The following RSPH10B2 variants were observed in gnomAD, a reference collection of about 807,000 sequenced individuals.
RSPH10B2 encodes the protein radial spoke head 10 homolog B2, also known as radial spoke head 10 homolog B2 (Chlamydomonas).
In RSPH10B2, 9 loss-of-function variants were observed where a neutral mutation model predicts 49.0. The ratio of observed to expected loss-of-function variants is 0.18; its 90% CI spans 0.11 to 0.32. The LOEUF (loss-of-function observed/expected upper bound fraction) is 0.32, where lower values mean the gene tolerates loss of function less well. RSPH10B2 is among the 10% of genes least tolerant of loss of function. RSPH10B2 has a pLI of 1.00. For synonymous variants in RSPH10B2, 35 were observed against 210.2 expected, an observed-to-expected ratio of 0.17 and a Z score of 7.21; for missense variants, 95 against 589.9, an observed-to-expected ratio of 0.16 and a Z score of 8.69.
chr7:6,797,003 T>C (rs1294504772), intron 18 of RSPH10B2: 3 of 368,428 alleles, frequency 8.1e-6, no homozygotes, highest in Non-Finnish European at 1.3e-5. Context: ...TATTTGGTCT[T>C]AGTTTCTAGT....
intron 13 of RSPH10B2, among the ~76,000 whole-genome samples, chr7:6,785,336 T>C (rs1177993041): frequency 6.6e-6 from 1 of 151,946 alleles, no homozygotes; most frequent in East Asian, 1.9e-4. Context: ...ACCACCATGC[T>C]CGGCCTACAT....
Position 6,780,169 on chromosome 7 carries a change from A to C in RSPH10B2, c.1529+445A>C, listed in dbSNP as rs936390000. ...ACTCTTGAAATGAAGGACTCAGAACACAACCTTTCCACAAATATTAACCAC... is the reference window on the plus strand; with the variant it reads ...ACTCTTGAAATGAAGGACTCAGAACCCAACCTTTCCACAAATATTAACCAC... On this transcript the variant is annotated intron_variant, in intron 11 of 18. Transcript: ENST00000297186. Among the ~76,000 whole-genome samples, 22 of 108,446 alleles carry C rather than the reference A, an allele frequency of 2.0e-4. 5 individuals carry two copies. Among genetic ancestry groups the C allele is most frequent in the Admixed American group, 1.6e-3 (15 of 9,306 alleles). The allele number at this position is 108,446 out of a possible 152,430, so 71.1% of individuals were successfully genotyped here. A position where few individuals can be genotyped will look rare whatever the true frequency, so the allele number is the denominator to read the frequency against.
At chr7:6,776,873 T>TCTCTCACACA (rs1460063586) in intron 10 of RSPH10B2, among the ~76,000 whole-genome samples, 2 of 110,996 alleles carry the variant, frequency 1.8e-5, no homozygotes, top group Admixed American at 9.6e-5. Flanking sequence ...CGAGACTCCA[T>TCTCTCACACA]CACACACACA....
At chr7:6,786,363 T>G (rs1782178786) in intron 14 of RSPH10B2, among the ~76,000 whole-genome samples, 1 of 123,338 alleles carries the variant, frequency 8.1e-6, no homozygotes, top group Admixed American at 8.8e-5. Context: ...TTTTTTTTTT[T>G]GTATTTTTTT....
chr7:6,779,974 ATTTTTTTTT>A (rs769877980), intron 11 of RSPH10B2, among the ~76,000 whole-genome samples: 3 of 110,070 alleles, frequency 2.7e-5, no homozygotes, highest in Admixed American at 9.6e-5. Flanking sequence ...TGCCTGGCTA[ATTTTTTTTT>A]TTTTTTTTTT....
At chr7:6,768,828 A>G (rs1442878126) in intron 7 of RSPH10B2, 62 bp downstream of exon 9, 2 of 59,444 alleles carry the variant, frequency 3.4e-5, no homozygotes, top group Non-Finnish European at 5.4e-5. Flanking sequence ...GAAATTATGT[A>G]AAGCAATTGA....
At chr7:6,756,112 C>CA (rs1177338587), upstream of RSPH10B2, among the ~76,000 whole-genome samples, 3 of 149,462 alleles carry the variant, frequency 2.0e-5, no homozygotes, top group East Asian at 2.0e-4. Context: ...ACTAAAAATA[C>CA]AAAAAGAATT....
chr7:6,781,038 C>T lies in RSPH10B2; in HGVS notation c.1609+150C>T, dbSNP rs530302872. Reference sequence around the variant, plus strand: ...TCACCTGAGGTCAAGGAGTTCAAGACCAACCTGGCCAACATGGCAAAACCC... The same window carrying T: ...TCACCTGAGGTCAAGGAGTTCAAGATCAACCTGGCCAACATGGCAAAACCC... On this transcript the variant is annotated intron_variant, in intron 12 of 18. Transcript: ENST00000297186. The T allele has an allele frequency of 2.0e-5, 20 of 1,015,106 alleles. 3 individuals carry two copies. Among genetic ancestry groups the T allele is most frequent in the Admixed American group, 4.0e-5 (1 of 24,932 alleles). 62.9% of individuals were successfully genotyped at this position (1,015,106 alleles called of 1,614,324 possible). A position where few individuals can be genotyped will look rare whatever the true frequency, so the allele number is the denominator to read the frequency against.
At chr7:6,786,747 CTGCATGTCTGTGTGTGTGTGGGCAAACG>C in intron 14 of RSPH10B2, 103 bp from the exon 17 acceptor site, 1 of 1,116,482 alleles carries the variant, frequency 9.0e-7, no homozygotes, top group Non-Finnish European at 1.3e-6. Flanking sequence ...GTGCACATGT[CTGCATGTCTGTGTGTGTGTGGGCAAACG>C]TGCATATTCA....
At chr7:6,792,604 T>C (rs1284816425) in intron 17 of RSPH10B2, among the ~76,000 whole-genome samples, 46 of 115,692 alleles carry the variant, frequency 4.0e-4, no homozygotes, top group African/African-American at 1.5e-3. Context: ...GTCTGATTCC[T>C]CAGCCGTGTC....
rs1782570292 is a variant in RSPH10B2, at chr7:6,796,486, G to A, written c.2234-82G>A. On this transcript the variant is annotated intron_variant, in intron 17 of 18. Coordinates refer to ENST00000297186, the Ensembl canonical transcript of RSPH10B2. Reference sequence around the variant, plus strand: ...AGGAGAAGGGGGCCCACCCCAGGGAGGCTAGAACGAGAAAAAGCACGCAGA... The same window carrying A: ...AGGAGAAGGGGGCCCACCCCAGGGAAGCTAGAACGAGAAAAAGCACGCAGA... 6.1e-6 allele frequency: 5 copies of A among 822,180 alleles called. No homozygotes were observed. The Admixed American group carries it at 1.5e-4, about 25-fold the overall frequency. 50.9% of individuals were successfully genotyped at this position (822,180 alleles called of 1,614,324 possible).
chr7:6,783,184 C>G (rs1279581114), intron 13 of RSPH10B2, among the ~76,000 whole-genome samples: 1 of 110,600 alleles, frequency 9.0e-6, no homozygotes, highest in Non-Finnish European at 1.8e-5. Flanking sequence ...GCGTGCATGA[C>G]CATGCCAAGT....
intron 6 of RSPH10B2, among the ~76,000 whole-genome samples, 153 bp from the exon 9 acceptor site, chr7:6,768,437 C>G (rs561300892): frequency 5.6e-4 from 83 of 148,542 alleles, no homozygotes; most frequent in Admixed American, 4.5e-3. Flanking sequence ...TAGTAAGTAG[C>G]TGAGCTGAAA....
rs1781928258 is a variant in RSPH10B2 at position 6,781,363 on chromosome 7, T to C, written c.1645T>C (p.Ser549Pro). 3 of 1,275,064 alleles carry C rather than the reference T, an allele frequency of 2.4e-6. 1 individual carries two copies. In the South Asian group the frequency reaches 6.0e-5, roughly 25 times the overall value. 79.0% of individuals were successfully genotyped at this position (1,275,064 alleles called of 1,614,324 possible). A position where few individuals can be genotyped will look rare whatever the true frequency, so the allele number is the denominator to read the frequency against. Reference sequence around the variant, plus strand: ...CCGTGAGCAACAGCGGACGCTCTACTCTATGAGTTACATGAATAAGTGCTG... The same window carrying C: ...CCGTGAGCAACAGCGGACGCTCTACCCTATGAGTTACATGAATAAGTGCTG... The change falls in exon 13 of 19, where the codon TCT becomes CCT. Residue 549 changes from serine to proline, a missense_variant. Transcript: ENST00000297186.
At chr7:6,758,810 A>C in intron 1 of RSPH10B2, among the ~76,000 whole-genome samples, 1 of 128,690 alleles carries the variant, frequency 7.8e-6, no homozygotes, top group South Asian at 2.6e-4. Context: ...ACGTCATTGC[A>C]CTCCATCCAG....
exon 13 of RSPH10B2, chr7:6,781,446 G>A (rs1781932440): frequency 7.8e-7 from 1 of 1,284,316 alleles, no homozygotes; most frequent in Non-Finnish European, 1.0e-6. Context: ...AGCCTACGAT[G>A]AAGATGAGAC....
intron 11 of RSPH10B2, among the ~76,000 whole-genome samples, 190 bp from the exon 14 acceptor site, chr7:6,780,619 G>A (rs1214737125): frequency 2.6e-5 from 3 of 116,918 alleles, no homozygotes; most frequent in Admixed American, 9.6e-5. Flanking sequence ...TCCTGACCTC[G>A]AGTGATCCGC....
chr7:6,780,388 A>G lies in RSPH10B2; in HGVS notation c.1530-421A>G, dbSNP rs1168106635. On this transcript the variant is annotated intron_variant, in intron 11 of 18. Transcript: ENST00000297186. ...TTTTTTTAAAAAAACTTTTATTTAC[A>G]TATTTATTTTTTTGAGATGGAATCT... 5.0e-5 allele frequency among the ~76,000 whole-genome samples: 6 copies of G among 119,628 alleles called. 3 individuals are homozygous for G. The highest frequency in any genetic ancestry group is 1.1e-4 in the Non-Finnish European group (6 of 57,102). The allele number at this position is 119,628 out of a possible 152,430, so 78.5% of individuals were successfully genotyped here. A position where few individuals can be genotyped will look rare whatever the true frequency, so the allele number is the denominator to read the frequency against.
At chr7:6,784,808 C>T (rs1282424411) in intron 13 of RSPH10B2, among the ~76,000 whole-genome samples, 3 of 111,446 alleles carry the variant, frequency 2.7e-5, no homozygotes, top group African/African-American at 1.2e-4. Flanking sequence ...CCTCGTGAGC[C>T]GCCTGCCTCG....
Sources: allele counts gnomAD v4.1 joint callset (sites outside exome capture counted in the v4.1 genomes callset), GRCh38; gene constraint gnomAD v4.1.1; transcripts MANE v1.5; gene names NCBI Gene and HGNC (gene_info 2026-07-23, HGNC 2026-07-21).